CDH9: variants seen among roughly 807,000 people sequenced by gnomAD.
CDH9 encodes cadherin-9.
CDH9 carries 28 observed loss-of-function variants against 70.9 expected under a neutral mutation model. The observed-to-expected ratio is 0.40, with a 90% CI of 0.29 to 0.54. The LOEUF is 0.54. Ranked by LOEUF, CDH9 falls within the 20% of genes least tolerant of loss-of-function variation. CDH9 has a pLI of 0.59. For synonymous variants in CDH9, 409 were observed against 343.1 expected, an observed-to-expected ratio of 1.19 and a Z score of -2.12; for missense variants, 874 against 984.4, an observed-to-expected ratio of 0.89 and a Z score of 1.50.
At chr5:26,899,774 C>T (rs931971761) in intron 7 of CDH9, among the ~76,000 whole-genome samples, 17 of 151,516 alleles carry the variant, frequency 1.1e-4, no homozygotes, top group East Asian at 5.9e-4. Context: ...ATGTAGATGA[C>T]GGTTTGATGG....
intron 1 of CDH9, among the ~76,000 whole-genome samples, chr5:27,016,947 T>C (rs926966795): frequency 3.3e-5 from 5 of 151,924 alleles, no homozygotes; most frequent in African/African-American, 1.2e-4. Flanking sequence ...AGTGTTGTCA[T>C]TTTTAAATTA....
Position 26,885,803 on chromosome 5 carries a change from A to T in CDH9, c.1693T>A (p.Leu565Ile). 6.2e-7 allele frequency: 1 copy of T among 1,613,946 alleles called. No homozygotes were observed. Among genetic ancestry groups the T allele is most frequent in the Non-Finnish European group, 8.5e-7 (1 of 1,179,906 alleles). Residue 565 changes from leucine (L) to isoleucine (I), a missense_variant, in exon 11 of 12, where the codon TTA (leucine) becomes ATA (isoleucine). Physicochemically the swap from Leu to Ile is conservative, Grantham distance 5 (BLOSUM62 2). Coordinates refer to ENST00000231021, the MANE Select transcript of CDH9 (RefSeq NM_016279.4). The part of the protein sequence containing the change: ...GYSRNKMSTY[L>I]LPILIFDNDY... ...TTGTCAAAGATTAAAATCGGCAATA[A>T]GTAGGTGCTCATTTTGTTGCGACTG...
intron 1 of CDH9, among the ~76,000 whole-genome samples, chr5:26,993,698 CAAAA>C (rs34545141): frequency 1.0e-3 from 53 of 51,002 alleles, no homozygotes; most frequent in African/African-American, 4.0e-3. Flanking sequence ...TATTCAGCTG[CAAAA>C]AAAAAAAAAA....
intron 1 of CDH9, among the ~76,000 whole-genome samples, chr5:27,023,200 G>A (rs1034097626): frequency 3.3e-5 from 5 of 152,034 alleles, no homozygotes; most frequent in African/African-American, 7.2e-5. Context: ...ATATGGTGGA[G>A]TGTAATTCCA....
At chr5:26,995,577 T>C (rs1364140285) in intron 1 of CDH9, among the ~76,000 whole-genome samples, 1 of 152,120 alleles carries the variant, frequency 6.6e-6, no homozygotes. Flanking sequence ...TCAGTACAAC[T>C]CTCTTGGGGC....
intron 2 of CDH9, among the ~76,000 whole-genome samples, chr5:26,975,992 A>G (rs1742298138): frequency 6.6e-6 from 1 of 152,172 alleles, no homozygotes; most frequent in African/African-American, 2.4e-5. Context: ...GTCTCTTTTT[A>G]AAATGCCCAA....
chr5:26,981,561 T>G (rs1477879620), intron 2 of CDH9, among the ~76,000 whole-genome samples: 1 of 152,044 alleles, frequency 6.6e-6, no homozygotes. Flanking sequence ...AAATATCAGC[T>G]AAAATATTTG....
chr5:26,901,019 A>G (rs564404535), intron 7 of CDH9, among the ~76,000 whole-genome samples: 1 of 152,118 alleles, frequency 6.6e-6, no homozygotes, highest in South Asian at 2.1e-4. Flanking sequence ...TAAAACACAA[A>G]TCTACATTGC....
At chr5:27,035,913 T>C (rs1743385854) in intron 1 of CDH9, among the ~76,000 whole-genome samples, 1 of 151,860 alleles carries the variant, frequency 6.6e-6, no homozygotes, top group African/African-American at 2.4e-5. Flanking sequence ...TGAATAATTA[T>C]CTATCTAGAC....
chr5:26,966,167 T>C (rs1579482411), intron 2 of CDH9, among the ~76,000 whole-genome samples: 2 of 152,144 alleles, frequency 1.3e-5, no homozygotes, highest in East Asian at 1.9e-4. Context: ...AGTGGCTGAT[T>C]GATTCAGGAT....
chr5:26,911,893 T>C (rs1318978666), intron 3 of CDH9, among the ~76,000 whole-genome samples: 1 of 152,036 alleles, frequency 6.6e-6, no homozygotes, highest in Non-Finnish European at 1.5e-5. Flanking sequence ...AAATATGGCA[T>C]ATGATTGTGA....
At chr5:27,025,699 A>G (rs189829464) in intron 1 of CDH9, among the ~76,000 whole-genome samples, 15 of 152,138 alleles carry the variant, frequency 9.9e-5, no homozygotes, top group Admixed American at 8.5e-4. Context: ...AAAAAATCAC[A>G]CAGATAGGGA....
At chr5:26,975,834 G>A (rs987520714) in intron 2 of CDH9, among the ~76,000 whole-genome samples, 1 of 152,142 alleles carries the variant, frequency 6.6e-6, no homozygotes, top group African/African-American at 2.4e-5. Context: ...CCAGTTATGG[G>A]TAGTAGAGAC....
intron 2 of CDH9, among the ~76,000 whole-genome samples, chr5:26,970,451 C>T (rs920634139): frequency 1.3e-5 from 2 of 151,986 alleles, no homozygotes; most frequent in Admixed American, 1.3e-4. Flanking sequence ...GAAAAACAAC[C>T]TCACTGCATC....
At position 26,915,930 on chromosome 5, in the gene CDH9, G is replaced by A. The variant is rs1399583634; in HGVS notation, c.229-6C>T. The A allele has an allele frequency of 5.7e-6, 9 of 1,576,680 alleles. No homozygotes were observed. Among genetic ancestry groups the A allele is most frequent in the Non-Finnish European group, 7.8e-6 (9 of 1,159,362 alleles). On this transcript the variant is annotated splice_polypyrimidine_tract_variant and splice_region_variant and intron_variant, in intron 2 of 11. Coordinates refer to ENST00000231021, the MANE Select transcript of CDH9 (RefSeq NM_016279.4). ...TTATCTTGGTCAGTGTGAAGCTTTAGAGAGGTAGAAAAGAAGAGTTCTGTA... is the reference window on the plus strand; with the variant it reads ...TTATCTTGGTCAGTGTGAAGCTTTAAAGAGGTAGAAAAGAAGAGTTCTGTA...
At chr5:27,030,818 A>T (rs1018665270) in intron 1 of CDH9, among the ~76,000 whole-genome samples, 2 of 151,842 alleles carry the variant, frequency 1.3e-5, no homozygotes, top group Non-Finnish European at 2.9e-5. Flanking sequence ...TATAACACTC[A>T]GCACATGAAT....
rs554938105 is a variant in CDH9, at chr5:26,896,601, A to G, written c.1253+5875T>C. ...ACAGAATGAAATGAAGGCAGAAATA[A>G]ATAAGTTATTTGAAACCTATAAGAA... On this transcript the variant is annotated intron_variant, in intron 7 of 11. Transcript: ENST00000231021. Among the ~76,000 whole-genome samples, 3 of 136,278 alleles carry G rather than the reference A, an allele frequency of 2.2e-5. No homozygotes were observed. The East Asian group carries it at 6.4e-4, about 29-fold the overall frequency. The allele number at this position is 136,278 out of a possible 152,430, so 89.4% of individuals were successfully genotyped here. A position where few individuals can be genotyped will look rare whatever the true frequency, so the allele number is the denominator to read the frequency against.
At chr5:26,942,805 A>G (rs141179458) in intron 2 of CDH9, among the ~76,000 whole-genome samples, 16 of 152,190 alleles carry the variant, frequency 1.1e-4, no homozygotes, top group Non-Finnish European at 2.4e-4. Flanking sequence ...CTCTTTGGAA[A>G]CTTTTGCAAA....
At chr5:26,888,389 A>G (rs1053765696) in intron 9 of CDH9, among the ~76,000 whole-genome samples, 13 of 152,188 alleles carry the variant, frequency 8.5e-5, no homozygotes, top group Admixed American at 8.5e-4. Context: ...TAACTGGGGT[A>G]CTGCTAGGGT....
Sources: allele counts gnomAD v4.1 joint callset (sites outside exome capture counted in the v4.1 genomes callset), GRCh38; gene constraint gnomAD v4.1.1; transcripts MANE v1.5; gene names NCBI Gene and HGNC (gene_info 2026-07-23, HGNC 2026-07-21).